EXOC4: variants seen among roughly 807,000 people sequenced by gnomAD.
EXOC4 encodes the protein SEC8-like 1.
In EXOC4, 71 loss-of-function variants were observed where a neutral mutation model predicts 107.2. The ratio of observed to expected loss-of-function variants is 0.66; its 90% CI spans 0.55 to 0.81. The LOEUF is 0.81. EXOC4 is among the 30% of genes least tolerant of loss of function. EXOC4 has a pLI of 0.00. For missense variants in EXOC4, 1,108 were observed against 1,189.6 expected (o/e 0.93, Z 1.01); for synonymous variants, 456 against 441.2 (o/e 1.03, Z -0.42).
intron 11 of EXOC4, among the ~76,000 whole-genome samples, chr7:133,871,537 A>C (rs1266581224): frequency 6.6e-6 from 1 of 152,076 alleles, no homozygotes; most frequent in Non-Finnish European, 1.5e-5. Flanking sequence ...ATGAACACCC[A>C]GCCCAGATTT....
At chr7:133,940,630 C>T (rs565133915) in intron 14 of EXOC4, among the ~76,000 whole-genome samples, 25 of 152,280 alleles carry the variant, frequency 1.6e-4, no homozygotes, top group Admixed American at 3.3e-4. Flanking sequence ...TGGCTCACCC[C>T]CACTTATGTG....
Position 133,421,971 on chromosome 7 carries a change from TATA to T in EXOC4, c.1182+46973_1182+46975del, listed in dbSNP as rs151326451. Among the ~76,000 whole-genome samples the T allele has an allele frequency of 4.8e-3, 730 of 152,324 alleles. 4 individuals carry two copies. Among genetic ancestry groups the T allele is most frequent in the Middle Eastern group, 0.017 (5 of 294 alleles). Reference sequence around the variant, plus strand: ...AGAAATGGACATTTAAATGACTACCTATAATACTAGGCAGAAGAAAGAAATAAG... The same window carrying T: ...AGAAATGGACATTTAAATGACTACCTATACTAGGCAGAAGAAAGAAATAAG... On this transcript the variant is annotated intron_variant, in intron 7 of 17. Coordinates refer to ENST00000253861, the MANE Select transcript of EXOC4 (RefSeq NM_021807.4).
intron 9 of EXOC4, among the ~76,000 whole-genome samples, chr7:133,569,869 C>T (rs1366736665): frequency 6.6e-6 from 1 of 152,156 alleles, no homozygotes; most frequent in African/African-American, 2.4e-5. Context: ...TTTACAGATT[C>T]TATATTTTAC....
the EXOC4 span, among the ~76,000 whole-genome samples, chr7:134,093,188 T>G: frequency 6.6e-6 from 1 of 152,006 alleles, no homozygotes; most frequent in South Asian, 2.1e-4. Flanking sequence ...ATCTCACACA[T>G]AATGGTGCCC....
chr7:133,760,235 T>C lies in EXOC4; in HGVS notation c.1515-57090T>C, dbSNP rs143690131. On this transcript the variant is annotated intron_variant, in intron 10 of 17. Coordinates refer to ENST00000253861, the MANE Select transcript of EXOC4 (RefSeq NM_021807.4). ...TCAGAAGACCCTGTCCATTTTTTGT[T>C]CTTTTAATGAAGAAAGTAACGTTTT... is the stretch of plus-strand genomic sequence containing the variant. 1.6e-4 allele frequency among the ~76,000 whole-genome samples: 24 copies of C among 152,328 alleles called. No individual in the cohort carries two copies. In the East Asian group the frequency reaches 4.4e-3, roughly 28 times the overall value.
chr7:134,061,227 T>C (rs1214139043), intron 17 of EXOC4, among the ~76,000 whole-genome samples: 2 of 152,242 alleles, frequency 1.3e-5, no homozygotes, highest in Admixed American at 6.5e-5. Context: ...TCATCTGGCA[T>C]GATGGGCTCA....
chr7:133,946,336 G>C (rs28551473), intron 14 of EXOC4, among the ~76,000 whole-genome samples: 45,835 of 151,984 alleles, frequency 0.3, 7,318 homozygotes, highest in Non-Finnish European at 0.34. Context: ...ATTGTATTTT[G>C]TTCATGAGCT....
intron 13 of EXOC4, among the ~76,000 whole-genome samples, chr7:133,922,496 T>C (rs1799957987): frequency 6.6e-6 from 1 of 152,186 alleles, no homozygotes; most frequent in South Asian, 2.1e-4. Context: ...ATATAGGTTC[T>C]CACTACTTCA....
At chr7:134,007,565 C>T (rs1435507331) in intron 16 of EXOC4, 111 bp from the exon 17 acceptor site, 5 of 979,018 alleles carry the variant, frequency 5.1e-6, no homozygotes, top group East Asian at 5.7e-5. Context: ...TTTCTTTGGT[C>T]GTTTAAATGT....
At chr7:133,309,286 C>T (rs1256773802) in intron 4 of EXOC4, among the ~76,000 whole-genome samples, 1 of 152,112 alleles carries the variant, frequency 6.6e-6, no homozygotes, top group Non-Finnish European at 1.5e-5. Flanking sequence ...AAAAATCAGG[C>T]TCACCAGGAT....
At chr7:134,011,110 G>A (rs1195096869) in intron 17 of EXOC4, among the ~76,000 whole-genome samples, 4 of 152,158 alleles carry the variant, frequency 2.6e-5, no homozygotes, top group African/African-American at 9.7e-5. Context: ...AGGAAAATCA[G>A]TGTAGATGAG....
At chr7:134,044,689 C>G (rs1191613181) in intron 17 of EXOC4, among the ~76,000 whole-genome samples, 2 of 152,218 alleles carry the variant, frequency 1.3e-5, no homozygotes, top group Non-Finnish European at 2.9e-5. Context: ...CACGTTAGCA[C>G]AATGTGCACA....
chr7:133,793,145 G>A (rs1304879026), intron 10 of EXOC4, among the ~76,000 whole-genome samples: 2 of 152,178 alleles, frequency 1.3e-5, no homozygotes, highest in African/African-American at 4.8e-5. Context: ...TAAAAATGAA[G>A]CCTCAGAATC....
intron 7 of EXOC4, among the ~76,000 whole-genome samples, chr7:133,435,471 G>A (rs576042915): frequency 4.8e-4 from 73 of 152,312 alleles, no homozygotes; most frequent in Non-Finnish European, 8.2e-4. Context: ...GGTTAGAATT[G>A]TGTGTAGAAT....
chr7:133,285,539 A>G (rs971477056), intron 2 of EXOC4, among the ~76,000 whole-genome samples: 2 of 152,142 alleles, frequency 1.3e-5, no homozygotes, highest in Non-Finnish European at 2.9e-5. Context: ...ATCCGATGTC[A>G]TTCTGATTCA....
At chr7:133,937,862 A>G (rs778474931) in intron 13 of EXOC4, 29 bp from the exon 14 acceptor site, 221 of 1,612,958 alleles carry the variant, frequency 1.4e-4, no homozygotes, top group Non-Finnish European at 1.7e-4. Context: ...TGCTGTATAT[A>G]TGAAGTGTGT....
rs570349427 is a variant in EXOC4, at chr7:133,483,467, A to G, written c.1417+3329A>G. ...GACAGAGGAATTTTACTCTGTGAGG[A>G]TGGTTAATGGAGAAATCACTACAAT... On this transcript the variant is annotated intron_variant, in intron 9 of 17. Transcript: ENST00000253861. Among the ~76,000 whole-genome samples, 9 of 152,322 alleles carry G rather than the reference A, an allele frequency of 5.9e-5. No homozygotes were observed. The South Asian group carries it at 1.2e-3, about 21-fold the overall frequency.
At chr7:133,325,016 G>A (rs113349549) in intron 5 of EXOC4, among the ~76,000 whole-genome samples, 121 of 152,242 alleles carry the variant, frequency 7.9e-4, no homozygotes, top group African/African-American at 2.9e-3. Flanking sequence ...TGTTTTATCA[G>A]AGACTAGGAT....
rs190532727 is a variant in EXOC4 at position 133,648,349 on chromosome 7, G to T, written c.1514+18208G>T. ...TCTCCTTTATAAACATTCTCTGTTGGCACTGTCTTCTGGAGAGCATACACT... is the reference window on the plus strand; with the variant it reads ...TCTCCTTTATAAACATTCTCTGTTGTCACTGTCTTCTGGAGAGCATACACT... On this transcript the variant is annotated intron_variant, in intron 10 of 17. Coordinates refer to ENST00000253861, the MANE Select transcript of EXOC4 (RefSeq NM_021807.4). Among the ~76,000 whole-genome samples, 16 of 152,232 alleles carry T rather than the reference G, an allele frequency of 1.1e-4. 1 individual carries two copies. The East Asian group carries it at 2.7e-3, about 26-fold the overall frequency.
Sources: allele counts gnomAD v4.1 joint callset (sites outside exome capture counted in the v4.1 genomes callset), GRCh38; gene constraint gnomAD v4.1.1; transcripts MANE v1.5; gene names NCBI Gene and HGNC (gene_info 2026-07-23, HGNC 2026-07-21).